MALRD1: variants seen among roughly 807,000 people sequenced by gnomAD.
MALRD1 encodes the protein MAM and LDL receptor class A domain containing 1.
MALRD1 carries 247 observed loss-of-function variants against 242.1 expected under a neutral mutation model. The ratio of observed to expected loss-of-function variants is 1.02; its 90% confidence interval spans 0.92 to 1.13. The LOEUF (loss-of-function observed/expected upper bound fraction) is 1.13, where lower values mean the gene tolerates loss of function less well. MALRD1 is among the 50% of genes most tolerant of loss of function. The probability of loss-of-function intolerance (pLI) is 0.00; values close to 1 mark genes in which losing one functional copy is unlikely to be tolerated. For missense variants in MALRD1, 2,989 were observed against 2,533.1 expected, an observed-to-expected ratio of 1.18 and a Z score of -3.86; for synonymous variants, 995 against 866.6, an observed-to-expected ratio of 1.15 and a Z score of -2.60.
intron 28 of MALRD1, among the ~76,000 whole-genome samples, chr10:19,446,235 C>T (rs114159255): frequency 0.021 from 3,161 of 152,252 alleles, 53 homozygotes; most frequent in Non-Finnish European, 0.033. Context: ...TTGTGGTTCC[C>T]GTGTGAGGTG....
At chr10:19,431,149 C>G (rs1371086224) in intron 28 of MALRD1, among the ~76,000 whole-genome samples, 1 of 152,108 alleles carries the variant, frequency 6.6e-6, no homozygotes, top group Non-Finnish European at 1.5e-5. Flanking sequence ...TTTCCTAACT[C>G]TCTCCCTCCC....
At chr10:19,437,761 A>G (rs999348374) in intron 28 of MALRD1, among the ~76,000 whole-genome samples, 1 of 152,168 alleles carries the variant, frequency 6.6e-6, no homozygotes, top group Non-Finnish European at 1.5e-5. Context: ...CAGAGCCTAG[A>G]GGCCCATCGA....
At chr10:19,691,375 A>G (rs1589406625) in intron 36 of MALRD1, among the ~76,000 whole-genome samples, 2 of 152,098 alleles carry the variant, frequency 1.3e-5, no homozygotes, top group Admixed American at 6.6e-5. Context: ...TTCAAATTTA[A>G]AAGTGATTAA....
intron 21 of MALRD1, among the ~76,000 whole-genome samples, chr10:19,293,230 A>G (rs1480537370): frequency 6.6e-6 from 1 of 152,192 alleles, no homozygotes; most frequent in Non-Finnish European, 1.5e-5. Flanking sequence ...TGCAATAAAA[A>G]GCAAGTGGTG....
At chr10:19,270,275 A>G (rs985001447) in intron 19 of MALRD1, among the ~76,000 whole-genome samples, 1 of 151,488 alleles carries the variant, frequency 6.6e-6, no homozygotes, top group Non-Finnish European at 1.5e-5. Context: ...AGATCGCGCC[A>G]CTGCACTCCA....
rs1491398466 is a variant in MALRD1, at chr10:19,335,804, AAT to A, written c.3901+4223_3901+4224del. Among the ~76,000 whole-genome samples, 413 of 152,154 alleles carry A rather than the reference AAT, an allele frequency of 2.7e-3. 4 individuals carry two copies. The highest frequency in any genetic ancestry group is 9.6e-3 in the African/African-American group (398 of 41,528). ...GATATAAAACATTTCATGGAGAAAA[AAT>A]TTTTTTTTATTATTATACTTTAAGT... On this transcript the variant is annotated intron_variant, in intron 24 of 39. Transcript: ENST00000454679.
intron 30 of MALRD1, 60 bp from the exon 31 acceptor site, chr10:19,498,425 G>A (rs1837820605): frequency 7.1e-7 from 1 of 1,418,374 alleles, no homozygotes; most frequent in South Asian, 1.3e-5. Context: ...CCCAAATATA[G>A]GGTAGTAGCA....
intron 31 of MALRD1, among the ~76,000 whole-genome samples, chr10:19,502,747 C>T (rs561943465): frequency 1.2e-4 from 18 of 152,120 alleles, no homozygotes; most frequent in South Asian, 2.1e-4. Context: ...TATCCTAGGA[C>T]GGTATTTGAA....
intron 5 of MALRD1, among the ~76,000 whole-genome samples, chr10:19,107,038 G>T (rs1439795619): frequency 6.6e-6 from 1 of 151,896 alleles, no homozygotes; most frequent in Non-Finnish European, 1.5e-5. Flanking sequence ...GACTTGTTTT[G>T]TGGCCTAACA....
intron 1 of MALRD1, among the ~76,000 whole-genome samples, chr10:19,061,949 A>T (rs1031084035): frequency 6.6e-6 from 1 of 152,198 alleles, no homozygotes; most frequent in Non-Finnish European, 1.5e-5. Context: ...AAAAACTTCT[A>T]TTCATCAAAG....
intron 29 of MALRD1, among the ~76,000 whole-genome samples, chr10:19,461,645 T>C (rs1461886901): frequency 3.3e-5 from 5 of 151,296 alleles, no homozygotes; most frequent in African/African-American, 1.2e-4. Flanking sequence ...AGCTCAGAAG[T>C]TCAGCTTGGG....
At chr10:19,140,977 G>C (rs1432316247) in intron 10 of MALRD1, among the ~76,000 whole-genome samples, 1 of 152,046 alleles carries the variant, frequency 6.6e-6, no homozygotes, top group Non-Finnish European at 1.5e-5. Flanking sequence ...ATGATGAAAT[G>C]ATGCTAATTA....
At chr10:19,311,469 G>T (rs1842420708) in intron 21 of MALRD1, among the ~76,000 whole-genome samples, 1 of 151,184 alleles carries the variant, frequency 6.6e-6, no homozygotes, top group African/African-American at 2.4e-5. Flanking sequence ...CATTTGCTAG[G>T]ATGTGATGAA....
chr10:19,714,783 T>C (rs1391654050), intron 38 of MALRD1, among the ~76,000 whole-genome samples: 2 of 152,120 alleles, frequency 1.3e-5, no homozygotes, highest in Non-Finnish European at 2.9e-5. Context: ...ATCTTTTATT[T>C]AGGCAAATGG....
intron 25 of MALRD1, among the ~76,000 whole-genome samples, chr10:19,350,507 C>T (rs1442604116): frequency 1.3e-5 from 2 of 151,930 alleles, no homozygotes; most frequent in Non-Finnish European, 2.9e-5. Context: ...GAACTCCTGA[C>T]CTCAGGTGAT....
At chr10:19,306,150 A>G (rs1361664420) in intron 21 of MALRD1, among the ~76,000 whole-genome samples, 2 of 126,092 alleles carry the variant, frequency 1.6e-5, no homozygotes, top group Admixed American at 9.1e-5. Context: ...TATATATACT[A>G]TATATACACA....
intron 12 of MALRD1, among the ~76,000 whole-genome samples, chr10:19,155,445 G>A (rs1834109014): frequency 6.6e-6 from 1 of 152,076 alleles, no homozygotes; most frequent in Admixed American, 6.6e-5. Context: ...CTGTGGATAC[G>A]TGTTGCCAAA....
chr10:19,377,915 A>G (rs920535201), intron 26 of MALRD1, among the ~76,000 whole-genome samples: 13 of 152,098 alleles, frequency 8.5e-5, no homozygotes, highest in Admixed American at 7.9e-4. Flanking sequence ...TGAAATACCA[A>G]TGATAACTGC....
At chr10:19,480,240 T>C (rs932937125) in intron 29 of MALRD1, among the ~76,000 whole-genome samples, 3 of 152,214 alleles carry the variant, frequency 2.0e-5, no homozygotes, top group Admixed American at 6.5e-5. Context: ...CTGTTTAGTG[T>C]GTCTGATATG....
Sources: allele counts gnomAD v4.1 joint callset (sites outside exome capture counted in the v4.1 genomes callset), GRCh38; gene constraint gnomAD v4.1.1; transcripts MANE v1.5; gene names NCBI Gene and HGNC (gene_info 2026-07-23, HGNC 2026-07-21).